The following GPC1 variants were observed in gnomAD, a reference collection of about 807,000 sequenced individuals.
GPC1 encodes glypican-1.
GPC1 carries 26 observed loss-of-function variants against 51.5 expected under a neutral mutation model. That is an observed-to-expected ratio of 0.50 (90% CI 0.37 to 0.70). The LOEUF (loss-of-function observed/expected upper bound fraction) is 0.70. GPC1 is among the 30% of genes least tolerant of loss of function. The pLI, the probability that GPC1 is intolerant of heterozygous loss-of-function variation, is 0.00. For missense variants in GPC1, 775 were observed against 800.5 expected (o/e 0.97, Z 0.38); for synonymous variants, 380 against 348.3 (o/e 1.09, Z -1.01).
intron 1 of GPC1, chr2:240,450,810 C>T: frequency 2.1e-6 from 1 of 469,144 alleles, no homozygotes; most frequent in Non-Finnish European, 4.4e-6. Context: ...CAGGGCCGGC[C>T]TGGGTGCCAG....
Position 240,463,381 on chromosome 2 carries a change from T to C in GPC1, c.752T>C (p.Met251Thr). Reference sequence around the variant, plus strand: ...GGCCCGGAGTGCTCGAGAGCTGTCATGAAGCTGGTCTACTGTGCTCACTGC... The same window carrying C: ...GGCCCGGAGTGCTCGAGAGCTGTCACGAAGCTGGTCTACTGTGCTCACTGC... ...PLGPECSRAV[M>T]KLVYCAHCLG... Residue 251 changes from methionine to threonine, a missense_variant, in exon 4 of 9, where the codon ATG becomes ACG. Coordinates refer to ENST00000264039, the MANE Select transcript of GPC1 (RefSeq NM_002081.3). 2.5e-6 allele frequency: 4 copies of C among 1,612,870 alleles called. No individual in the cohort carries two copies. Among genetic ancestry groups the C allele is most frequent in the Non-Finnish European group, 3.4e-6 (4 of 1,179,874 alleles).
At chr2:240,446,861 T>A (rs1023422704) in intron 1 of GPC1, among the ~76,000 whole-genome samples, 1 of 151,996 alleles carries the variant, frequency 6.6e-6, no homozygotes, top group Admixed American at 6.5e-5. Context: ...GGGACCAGGG[T>A]GGGCAGCCCC....
intron 1 of GPC1, among the ~76,000 whole-genome samples, chr2:240,443,926 C>T (rs2074033442): frequency 6.6e-6 from 1 of 152,232 alleles, no homozygotes. Flanking sequence ...TGGGGCCAAG[C>T]CCCACACTTG....
intron 1 of GPC1, among the ~76,000 whole-genome samples, chr2:240,443,330 G>A (rs1029750373): frequency 6.6e-6 from 1 of 152,268 alleles, no homozygotes; most frequent in Non-Finnish European, 1.5e-5. Flanking sequence ...TGGGACTGCA[G>A]GGCGAGGGTT....
At chr2:240,463,567 G>A (rs900897669) in intron 4 of GPC1, 55 bp downstream of exon 4, 10 of 1,482,774 alleles carry the variant, frequency 6.7e-6, no homozygotes, top group Non-Finnish European at 8.4e-6. Context: ...TGCACGACTG[G>A]GGGTCCTGGG....
intron 1 of GPC1, chr2:240,449,698 C>G: frequency 2.6e-6 from 1 of 385,114 alleles, no homozygotes. Flanking sequence ...CCCCATTAAA[C>G]AGTAACTCCC....
At chr2:240,452,940 C>T (rs968827351) in intron 1 of GPC1, 6 of 321,004 alleles carry the variant, frequency 1.9e-5, no homozygotes, top group African/African-American at 9.3e-5. Context: ...CCCGGCCCCG[C>T]TCCGCCGCCT....
intron 1 of GPC1, among the ~76,000 whole-genome samples, chr2:240,436,729 AG>A: frequency 6.6e-6 from 1 of 152,348 alleles, no homozygotes; most frequent in African/African-American, 2.4e-5. Flanking sequence ...GCCGCCTCGT[AG>A]AGATTCCTGT....
chr2:240,447,931 T>C (rs1245784759), intron 1 of GPC1, among the ~76,000 whole-genome samples: 1 of 152,180 alleles, frequency 6.6e-6, no homozygotes, highest in African/African-American at 2.4e-5. Flanking sequence ...GTTGTCACCC[T>C]GAGCGCTCAC....
intron 2 of GPC1, among the ~76,000 whole-genome samples, chr2:240,461,269 C>T (rs115169712): frequency 0.028 from 4,199 of 152,280 alleles, 185 homozygotes; most frequent in African/African-American, 0.096. Flanking sequence ...AGCGTGGGGG[C>T]TGATCCAGAG....
In GPC1 at chr2:240,462,590, C is replaced by T; in HGVS notation, c.717+8C>T. 6.6e-7 allele frequency: 1 copy of T among 1,511,490 alleles called. No individual in the cohort carries two copies. Among genetic ancestry groups the T allele is most frequent in the Non-Finnish European group, 8.8e-7 (1 of 1,134,840 alleles). The allele number at this position is 1,511,490 out of a possible 1,614,324, so 93.6% of individuals were successfully genotyped here. A position where few individuals can be genotyped will look rare whatever the true frequency, so the allele number is the denominator to read the frequency against. ...GTCCGGAAAGTGGCTCAGGTGCGCA[C>T]AGCCACCCAGGGCTCTCAGAAACCC... On this transcript the variant is annotated splice_region_variant and intron_variant, in intron 3 of 8. Coordinates refer to ENST00000264039, the MANE Select transcript of GPC1 (RefSeq NM_002081.3).
At chr2:240,451,415 A>T (rs2074099035) in intron 1 of GPC1, 2 of 373,938 alleles carry the variant, frequency 5.3e-6, no homozygotes, top group Non-Finnish European at 1.1e-5. Context: ...GTGTACGGGA[A>T]GCTAGATGGG....
chr2:240,438,643 G>T (rs1322605302), intron 1 of GPC1, among the ~76,000 whole-genome samples: 1 of 152,240 alleles, frequency 6.6e-6, no homozygotes, highest in Non-Finnish European at 1.5e-5. Context: ...GTGGGAAGGA[G>T]AGCAGTTGGC....
At chr2:240,464,823 C>A in intron 5 of GPC1, 33 bp from the exon 6 acceptor site, 1 of 1,564,064 alleles carries the variant, frequency 6.4e-7, no homozygotes, top group Non-Finnish European at 8.7e-7. Flanking sequence ...AGGGGCCCCA[C>A]TACCCCCCAA....
At chr2:240,464,207 A>T (rs956215115) in intron 4 of GPC1, 7 of 260,700 alleles carry the variant, frequency 2.7e-5, no homozygotes, top group African/African-American at 1.3e-4. Flanking sequence ...TAAGGTGTAC[A>T]TGGGGGGGGC....
chr2:240,457,156 C>G (rs988205104), intron 1 of GPC1, among the ~76,000 whole-genome samples: 1 of 152,178 alleles, frequency 6.6e-6, no homozygotes, highest in Non-Finnish European at 1.5e-5. Context: ...ACTCCCTCCC[C>G]CTCTAGCTCA....
At chr2:240,443,397 C>T (rs2074030526) in intron 1 of GPC1, among the ~76,000 whole-genome samples, 1 of 152,326 alleles carries the variant, frequency 6.6e-6, no homozygotes, top group South Asian at 2.1e-4. Context: ...ACTGCTGTCT[C>T]CTGAGGCGGT....
In GPC1 at chr2:240,459,017, C is replaced by T. The variant is rs2074194071; in HGVS notation, c.167-13C>T. ...TCCCAGCCCCTCTCCCTCACACTGG[C>T]CTTTCCCCACAGGTGAGCACCTGCG... On this transcript the variant is annotated splice_polypyrimidine_tract_variant and intron_variant, in intron 1 of 8. Transcript: ENST00000264039. 14 of 1,611,448 alleles carry T rather than the reference C, an allele frequency of 8.7e-6. No individual in the cohort carries two copies. Among genetic ancestry groups the T allele is most frequent in the Non-Finnish European group, 1.2e-5 (14 of 1,178,936 alleles).
chr2:240,465,401 G>A (rs778719639), intron 7 of GPC1, 72 bp from the exon 8 acceptor site: 1 of 1,467,558 alleles, frequency 6.8e-7, no homozygotes, highest in East Asian at 2.3e-5. Flanking sequence ...GCGTGGGAGA[G>A]TGTCCTGCTC....
Sources: allele counts gnomAD v4.1 joint callset (sites outside exome capture counted in the v4.1 genomes callset), GRCh38; gene constraint gnomAD v4.1.1; transcripts MANE v1.5; gene names NCBI Gene and HGNC (gene_info 2026-07-23, HGNC 2026-07-21).